The following NFASC variants were observed in gnomAD, a reference collection of about 807,000 sequenced individuals.
The protein encoded by NFASC is neurofascin homolog.
In NFASC, 43 loss-of-function variants were observed where a neutral mutation model predicts 147.5. That is an observed-to-expected ratio of 0.29 (90% CI 0.23 to 0.38). NFASC has a LOEUF of 0.38. NFASC is among the 10% of genes least tolerant of loss of function. NFASC has a pLI of 1.00. For missense variants in NFASC, 1,320 were observed against 1,689.0 expected (o/e 0.78, Z 3.83); for synonymous variants, 622 against 665.5 (o/e 0.93, Z 1.01).
Position 204,997,172 on chromosome 1 carries a change from C to T in NFASC, c.2785C>T (p.Pro929Ser), listed in dbSNP as rs114428700. 3.7e-4 allele frequency: 599 copies of T among 1,609,098 alleles called. 1 individual carries two copies. In the African/African-American group the frequency reaches 6.9e-3, roughly 18 times the overall value. The change falls in exon 25 of 30, where the codon CCT (proline) becomes TCT (serine). Residue 929 changes from proline to serine, a missense_variant and splice_region_variant. By Grantham distance (74) the Pro-to-Ser change is moderately conservative. Transcript: ENST00000339876. ...PPNEATPTAAPPTLPPTTVGA... is the reference protein window; with the variant it reads ...PPNEATPTAASPTLPPTTVGA... ...GCTGTTTTACATTTCCCTCTCAGCT[C>T]CTCCCACATTGCCCCCGACTACCGT...
chr1:204,909,608 A>T (rs2086865824), intron 1 of NFASC, among the ~76,000 whole-genome samples: 2 of 152,222 alleles, frequency 1.3e-5, no homozygotes, highest in African/African-American at 2.4e-5. Context: ...TCTATGAATT[A>T]TACTTTTGGT....
chr1:205,009,117 C>T (rs1032503845), intron 27 of NFASC: 6 of 264,592 alleles, frequency 2.3e-5, no homozygotes, highest in East Asian at 9.7e-5. Flanking sequence ...AACGTGGCCA[C>T]GGCCTGCACT....
intron 1 of NFASC, among the ~76,000 whole-genome samples, chr1:204,906,808 C>G (rs937999241): frequency 1.3e-5 from 2 of 151,822 alleles, no homozygotes; most frequent in Admixed American, 1.3e-4. Flanking sequence ...TCAGCCTCCC[C>G]GAGTAGCTGG....
At chr1:204,996,297 A>G (rs1005868623) in intron 24 of NFASC, among the ~76,000 whole-genome samples, 2 of 151,878 alleles carry the variant, frequency 1.3e-5, no homozygotes, top group African/African-American at 2.4e-5. Context: ...CATGCGCCTC[A>G]CTCTGCCTGG....
intron 2 of NFASC, among the ~76,000 whole-genome samples, chr1:204,927,293 T>C (rs1341077578): frequency 6.6e-6 from 1 of 152,204 alleles, no homozygotes; most frequent in Admixed American, 6.5e-5. Flanking sequence ...GAGATTTGCC[T>C]ATTCTGGACA....
At chr1:204,967,326 T>C (rs2095010592) in intron 8 of NFASC, among the ~76,000 whole-genome samples, 1 of 152,148 alleles carries the variant, frequency 6.6e-6, no homozygotes, top group Non-Finnish European at 1.5e-5. Flanking sequence ...CCTAGAGCTA[T>C]ACAAAGAGCT....
At chr1:204,965,954 C>G (rs1453928834) in intron 8 of NFASC, among the ~76,000 whole-genome samples, 1 of 152,180 alleles carries the variant, frequency 6.6e-6, no homozygotes, top group Non-Finnish European at 1.5e-5. Context: ...GGATACAACC[C>G]TCCAGGTTTG....
At chr1:204,969,496 A>G (rs964348452) in intron 10 of NFASC, among the ~76,000 whole-genome samples, 6 of 152,156 alleles carry the variant, frequency 3.9e-5, no homozygotes, top group Admixed American at 3.9e-4. Context: ...ATGGGTCCCC[A>G]CCGTGTGTGG....
intron 1 of NFASC, among the ~76,000 whole-genome samples, chr1:204,861,778 C>T (rs150567830): frequency 0.012 from 1,801 of 152,290 alleles, 31 homozygotes; most frequent in African/African-American, 0.039. Flanking sequence ...CGTGAGCCAC[C>T]GCACCCGGCC....
At position 205,001,170 on chromosome 1, in the gene NFASC, C is replaced by T. The variant is rs926629824; in HGVS notation, c.3020C>T (p.Ala1007Val). The T allele has an allele frequency of 3.8e-6, 6 of 1,591,852 alleles. No homozygotes were observed. Among genetic ancestry groups the T allele is most frequent in the Middle Eastern group, 1.7e-4 (1 of 5,906 alleles). Residue 1007 changes from alanine to valine, a missense_variant and splice_region_variant, in exon 26 of 30, where the codon GCC becomes GTC. Physicochemically the swap from Ala to Val is moderately conservative, Grantham distance 64 (BLOSUM62 0). Coordinates refer to ENST00000339876, the MANE Select transcript of NFASC (RefSeq NM_001005388.3). ...ACCCCTTTTCTAACCCGTCCACCAG[C>T]CCCTGATGAGCAGTCCATATGGAAC... ...TTSGTKIHES[A>V]PDEQSIWNVT...
chr1:204,951,027 C>A (rs1449618921), intron 4 of NFASC, among the ~76,000 whole-genome samples: 1 of 152,152 alleles, frequency 6.6e-6, no homozygotes, highest in African/African-American at 2.4e-5. Context: ...CTTTTTCTTC[C>A]TTTATTCATT....
chr1:204,859,395 C>T (rs543532055), intron 1 of NFASC, among the ~76,000 whole-genome samples: 45 of 152,354 alleles, frequency 3.0e-4, no homozygotes, highest in African/African-American at 1.1e-3. Flanking sequence ...GTTGGTCCTT[C>T]ATCTCTTCCT....
At chr1:204,933,403 G>A (rs1558149257) in intron 2 of NFASC, among the ~76,000 whole-genome samples, 2 of 152,310 alleles carry the variant, frequency 1.3e-5, no homozygotes, top group East Asian at 3.9e-4. Flanking sequence ...ATTCCCAGGT[G>A]TCTGGCTTGA....
At chr1:204,874,169 C>T (rs181327160) in intron 1 of NFASC, among the ~76,000 whole-genome samples, 41 of 152,296 alleles carry the variant, frequency 2.7e-4, no homozygotes, top group Admixed American at 2.1e-3. Flanking sequence ...CCTACCCAGC[C>T]GAAATCTTCC....
intron 20 of NFASC, among the ~76,000 whole-genome samples, chr1:204,981,555 G>C (rs1490387422): frequency 6.6e-6 from 1 of 152,264 alleles, no homozygotes; most frequent in Admixed American, 6.5e-5. Flanking sequence ...CTCAGAGTCA[G>C]AGTAACTGGG....
At chr1:205,007,504 GGGAA>G (rs955440208) in intron 27 of NFASC, among the ~76,000 whole-genome samples, 67 of 150,916 alleles carry the variant, frequency 4.4e-4, no homozygotes, top group South Asian at 4.0e-3. Context: ...AAGGGAGGGA[GGGAA>G]GGAAGGAAGG....
intron 1 of NFASC, among the ~76,000 whole-genome samples, chr1:204,888,377 G>A (rs2081728116): frequency 6.6e-6 from 1 of 152,160 alleles, no homozygotes; most frequent in Non-Finnish European, 1.5e-5. Flanking sequence ...TCTTTAAAAT[G>A]GAATGAGTGT....
intron 3 of NFASC, chr1:204,945,046 G>A (rs1041878086): frequency 1.3e-5 from 2 of 152,190 alleles, no homozygotes; most frequent in Admixed American, 6.5e-5. Flanking sequence ...CTGTCATTCT[G>A]TTTCTCATAG....
intron 1 of NFASC, among the ~76,000 whole-genome samples, chr1:204,883,133 A>G (rs1351459197): frequency 1.3e-5 from 2 of 152,176 alleles, no homozygotes; most frequent in Admixed American, 1.3e-4. Context: ...GTGAGCCTCA[A>G]CACAGGATAG....
Sources: allele counts gnomAD v4.1 joint callset (sites outside exome capture counted in the v4.1 genomes callset), GRCh38; gene constraint gnomAD v4.1.1; transcripts MANE v1.5; gene names NCBI Gene and HGNC (gene_info 2026-07-23, HGNC 2026-07-21).